The following SH3RF1 variants were observed in gnomAD, a reference collection of about 807,000 sequenced individuals.
The protein encoded by SH3RF1 is SH3 domain containing ring finger 1, also known as E3 ubiquitin-protein ligase SH3RF1.
SH3RF1 carries 32 observed loss-of-function variants against 74.0 expected under a neutral mutation model. The observed-to-expected ratio is 0.43, with a 90% CI of 0.33 to 0.58. The LOEUF (loss-of-function observed/expected upper bound fraction) is 0.58, where lower values mean the gene tolerates loss of function less well. Ranked by LOEUF, SH3RF1 falls within the 20% of genes least tolerant of loss-of-function variation. The pLI is 0.05. For missense variants in SH3RF1, 954 were observed against 1,130.9 expected (o/e 0.84, Z 2.24); for synonymous variants, 396 against 439.6 (o/e 0.90, Z 1.24).
chr4:169,143,417 C>A (rs1192912800), intron 4 of SH3RF1, among the ~76,000 whole-genome samples: 1 of 152,130 alleles, frequency 6.6e-6, no homozygotes, highest in Non-Finnish European at 1.5e-5. Flanking sequence ...AGTCTCGCTG[C>A]AAGTTGCTCA....
intron 4 of SH3RF1, among the ~76,000 whole-genome samples, chr4:169,148,922 T>C (rs1341553941): frequency 6.6e-6 from 1 of 152,102 alleles, no homozygotes; most frequent in African/African-American, 2.4e-5. Flanking sequence ...ACTAGGGCCC[T>C]GGGTACATGT....
At position 169,207,102 on chromosome 4, in the gene SH3RF1, T is replaced by C. The variant is rs994751893; in HGVS notation, c.394-50423A>G. On this transcript the variant is annotated intron_variant, in intron 2 of 11. Transcript: ENST00000284637. The stretch of plus-strand genomic sequence containing the variant: ...GCCTCCCAAATAGCGGGGCTACAAG[T>C]GGGTGCTACCATGCCTGGCTAACTT... Among the ~76,000 whole-genome samples, 8 of 152,022 alleles carry C rather than the reference T, an allele frequency of 5.3e-5. No individual in the cohort carries two copies. In the East Asian group the frequency reaches 1.2e-3, roughly 22 times the overall value.
chr4:169,207,686 TA>T (rs1263200458), intron 2 of SH3RF1, among the ~76,000 whole-genome samples: 3 of 152,224 alleles, frequency 2.0e-5, no homozygotes, highest in Non-Finnish European at 4.4e-5. Context: ...GCTATGAAGA[TA>T]AACCCAACTC....
chr4:169,102,397 T>G (rs1011834449), intron 11 of SH3RF1, among the ~76,000 whole-genome samples: 30 of 151,752 alleles, frequency 2.0e-4, no homozygotes, highest in African/African-American at 6.6e-4. Context: ...ATACATAGAT[T>G]TTTTTTTTTC....
rs568199631 is a variant in SH3RF1 at position 169,151,788 on chromosome 4, C to T, written c.765+3692G>A. 2.6e-5 allele frequency among the ~76,000 whole-genome samples: 4 copies of T among 152,238 alleles called. No individual in the cohort carries two copies. In the South Asian group the frequency reaches 8.3e-4, roughly 32 times the overall value. ...TTGAAAAACTGAGTGGGCGATATTT[C>T]AAACAAATGACTAGGAATCAAAATA... On this transcript the variant is annotated intron_variant, in intron 4 of 11. Coordinates refer to ENST00000284637, the MANE Select transcript of SH3RF1 (RefSeq NM_020870.4).
chr4:169,173,436 A>T (rs1734364954), intron 2 of SH3RF1, among the ~76,000 whole-genome samples: 1 of 139,588 alleles, frequency 7.2e-6, no homozygotes, highest in South Asian at 2.2e-4. Flanking sequence ...TTCTGGGATT[A>T]AAAAAAAAAA....
chr4:169,265,683 T>C (rs984208283), intron 2 of SH3RF1, among the ~76,000 whole-genome samples: 2 of 152,068 alleles, frequency 1.3e-5, no homozygotes, highest in African/African-American at 4.8e-5. Context: ...ATGTTGACCA[T>C]GGTGGTCTGG....
intron 2 of SH3RF1, among the ~76,000 whole-genome samples, chr4:169,191,996 T>C (rs1011715187): frequency 9.9e-5 from 15 of 152,152 alleles, no homozygotes; most frequent in African/African-American, 3.6e-4. Context: ...AAGGATTTCA[T>C]GACCAAGAAC....
chr4:169,172,908 G>C (rs1734356293), intron 2 of SH3RF1, among the ~76,000 whole-genome samples: 1 of 152,058 alleles, frequency 6.6e-6, no homozygotes, highest in South Asian at 2.1e-4. Flanking sequence ...AAGAGAGAGG[G>C]ACACTCTTGC....
At chr4:169,255,031 A>G (rs1463657706) in intron 2 of SH3RF1, among the ~76,000 whole-genome samples, 1 of 152,230 alleles carries the variant, frequency 6.6e-6, no homozygotes, top group Non-Finnish European at 1.5e-5. Context: ...TTGCAAGGAC[A>G]GGAATTTATG....
At chr4:169,244,462 G>C (rs1222421596) in intron 2 of SH3RF1, among the ~76,000 whole-genome samples, 3 of 151,690 alleles carry the variant, frequency 2.0e-5, no homozygotes, top group Admixed American at 1.3e-4. Context: ...CCCAATTCTA[G>C]AGTTTCACAA....
At chr4:169,125,077 C>T (rs1251264962) in intron 6 of SH3RF1, among the ~76,000 whole-genome samples, 2 of 152,188 alleles carry the variant, frequency 1.3e-5, no homozygotes, top group Non-Finnish European at 2.9e-5. Context: ...AAAACTAGGA[C>T]TTAAGAATGG....
At chr4:169,115,210 TC>T (rs1350854533) in intron 10 of SH3RF1, among the ~76,000 whole-genome samples, 2 of 152,164 alleles carry the variant, frequency 1.3e-5, no homozygotes, top group African/African-American at 4.8e-5. Context: ...TCCTTATATT[TC>T]AAGTCTTACC....
intron 2 of SH3RF1, among the ~76,000 whole-genome samples, chr4:169,223,121 G>C (rs908955264): frequency 6.6e-6 from 1 of 152,158 alleles, no homozygotes; most frequent in Non-Finnish European, 1.5e-5. Context: ...GGACCTTCCT[G>C]GGGCCTTTCT....
At chr4:169,202,951 T>C (rs997641989) in intron 2 of SH3RF1, among the ~76,000 whole-genome samples, 3 of 152,214 alleles carry the variant, frequency 2.0e-5, no homozygotes, top group African/African-American at 7.2e-5. Context: ...TAGCATTCTG[T>C]ATCTAGATAG....
At chr4:169,239,755 T>C (rs1441870891) in intron 2 of SH3RF1, among the ~76,000 whole-genome samples, 3 of 152,198 alleles carry the variant, frequency 2.0e-5, no homozygotes, top group African/African-American at 7.2e-5. Context: ...GTGCAGTGGC[T>C]GACTCCAGCA....
At chr4:169,265,442 A>T (rs968428329) in intron 2 of SH3RF1, among the ~76,000 whole-genome samples, 1 of 152,228 alleles carries the variant, frequency 6.6e-6, no homozygotes, top group African/African-American at 2.4e-5. Flanking sequence ...AGATATTAAG[A>T]GAACTTAATG....
chr4:169,237,294 T>A (rs550059770), intron 2 of SH3RF1, among the ~76,000 whole-genome samples: 12 of 152,340 alleles, frequency 7.9e-5, no homozygotes, highest in Non-Finnish European at 1.3e-4. Context: ...TCAAAAGCAT[T>A]AATTTTCCAA....
intron 10 of SH3RF1, among the ~76,000 whole-genome samples, chr4:169,115,168 C>A (rs548183509): frequency 9.2e-5 from 14 of 152,172 alleles, no homozygotes; most frequent in East Asian, 1.9e-4. Context: ...TTAAAAAAAA[C>A]CCCAAAAACT....
Sources: gnomAD v4.1 joint callset for allele counts (sites outside exome capture counted in the v4.1 genomes callset) on GRCh38, gnomAD v4.1.1 for gene constraint, MANE v1.5 for transcripts, NCBI Gene and HGNC (gene_info 2026-07-23, HGNC 2026-07-21) for gene names.